LURAP1L: variants seen among roughly 807,000 people sequenced by gnomAD.
LURAP1L encodes leucine rich adaptor protein 1 like, also known as leucine rich adaptor protein 1-like.
LURAP1L carries 12 observed loss-of-function variants against 13.8 expected under a neutral mutation model. That is an observed-to-expected ratio of 0.87 (90% CI 0.56 to 1.41). LURAP1L has a LOEUF of 1.41. Ranked by LOEUF, LURAP1L falls within the 40% of genes most tolerant of loss-of-function variation. The pLI is 0.00. For synonymous variants in LURAP1L, 139 were observed against 119.2 expected (o/e 1.17, Z -1.08); for missense variants, 375 against 292.9 (o/e 1.28, Z -2.04).
At chr9:12,799,931 G>A (rs1037583289) in intron 1 of LURAP1L, among the ~76,000 whole-genome samples, 1 of 150,472 alleles carries the variant, frequency 6.6e-6, no homozygotes, top group Non-Finnish European at 1.5e-5. Flanking sequence ...TATTTACACA[G>A]CATAATGTTT....
rs1388437191 is a variant in LURAP1L, at chr9:12,822,797, G to A, written c.*1037G>A. On this transcript the variant is annotated 3_prime_UTR_variant, in exon 2 of 2. Coordinates refer to ENST00000319264, the MANE Select transcript of LURAP1L (RefSeq NM_203403.2). ...AGTGGATATTTACTTTAAATATAAT[G>A]TTATTAATCCTCTGCATTTCTTTTA... Among the ~76,000 whole-genome samples the A allele has an allele frequency of 6.6e-6, 1 of 152,128 alleles. No homozygotes were observed. The highest frequency in any genetic ancestry group is 2.4e-5 in the African/African-American group (1 of 41,428).
intron 1 of LURAP1L, among the ~76,000 whole-genome samples, chr9:12,793,711 C>T (rs1819475715): frequency 6.6e-6 from 1 of 152,012 alleles, no homozygotes; most frequent in Admixed American, 6.6e-5. Context: ...CAGTGAAAAG[C>T]TGCTTCAAAT....
chr9:12,807,817 G>A (rs1476147336), intron 1 of LURAP1L, among the ~76,000 whole-genome samples: 1 of 151,390 alleles, frequency 6.6e-6, no homozygotes, highest in African/African-American at 2.4e-5. Flanking sequence ...TTTTAATTAG[G>A]CAATTTATAT....
intron 1 of LURAP1L, among the ~76,000 whole-genome samples, chr9:12,809,348 G>A (rs1297370645): frequency 6.6e-6 from 1 of 151,988 alleles, no homozygotes; most frequent in Admixed American, 6.6e-5. Context: ...TTTCAGTTTG[G>A]GGAGTTTCTG....
At chr9:12,781,776 T>C (rs951018845) in intron 1 of LURAP1L, among the ~76,000 whole-genome samples, 2 of 152,110 alleles carry the variant, frequency 1.3e-5, no homozygotes, top group African/African-American at 2.4e-5. Context: ...ATATACCTAG[T>C]AGTGGGATTG....
chr9:12,792,711 G>A (rs1019972464), intron 1 of LURAP1L, among the ~76,000 whole-genome samples: 1 of 151,964 alleles, frequency 6.6e-6, no homozygotes, highest in African/African-American at 2.4e-5. Flanking sequence ...ATTTAGTAGT[G>A]AAATCCACAT....
rs1321995721 is a variant in LURAP1L, at chr9:12,822,771, C to A, written c.*1011C>A. Among the ~76,000 whole-genome samples the A allele has an allele frequency of 6.6e-6, 1 of 152,116 alleles. No individual in the cohort carries two copies. Among genetic ancestry groups the A allele is most frequent in the Non-Finnish European group, 1.5e-5 (1 of 68,014 alleles). On this transcript the variant is annotated 3_prime_UTR_variant, in exon 2 of 2. Transcript: ENST00000319264. Reference sequence around the variant, plus strand: ...AAATGGAATATTTAACGCACATAGACAGTGGATATTTACTTTAAATATAAT... The same window carrying A: ...AAATGGAATATTTAACGCACATAGAAAGTGGATATTTACTTTAAATATAAT...
At chr9:12,786,916 G>T (rs1259511255) in intron 1 of LURAP1L, among the ~76,000 whole-genome samples, 1 of 151,818 alleles carries the variant, frequency 6.6e-6, no homozygotes, top group Non-Finnish European at 1.5e-5. Context: ...TGATACAATT[G>T]GACCCATCAT....
intron 1 of LURAP1L, among the ~76,000 whole-genome samples, chr9:12,795,626 T>G (rs1306370630): frequency 1.3e-5 from 2 of 151,992 alleles, no homozygotes; most frequent in African/African-American, 4.8e-5. Context: ...GCCTAATTAA[T>G]AAAGAATACT....
chr9:12,820,056 A>C (rs1452459650), intron 1 of LURAP1L, among the ~76,000 whole-genome samples: 2 of 152,210 alleles, frequency 1.3e-5, no homozygotes, highest in South Asian at 4.1e-4. Context: ...CTTCTGTTCC[A>C]ACAGAACAAT....
At chr9:12,779,422 C>A (rs1431625663) in intron 1 of LURAP1L, among the ~76,000 whole-genome samples, 1 of 151,824 alleles carries the variant, frequency 6.6e-6, no homozygotes, top group Non-Finnish European at 1.5e-5. Context: ...CTACAGGCAC[C>A]TGCAACCACG....
chr9:12,816,696 C>T (rs564748787), intron 1 of LURAP1L, among the ~76,000 whole-genome samples: 19 of 152,288 alleles, frequency 1.2e-4, no homozygotes, highest in African/African-American at 4.6e-4. Context: ...CAGTTCATCA[C>T]CTGTCAAAAA....
At chr9:12,790,413 T>C (rs1406880906) in intron 1 of LURAP1L, among the ~76,000 whole-genome samples, 1 of 152,184 alleles carries the variant, frequency 6.6e-6, no homozygotes, top group Non-Finnish European at 1.5e-5. Context: ...TATTTTTTTG[T>C]GTTTGGACTA....
intron 1 of LURAP1L, among the ~76,000 whole-genome samples, chr9:12,789,406 C>T (rs566732474): frequency 1.8e-3 from 279 of 152,194 alleles, no homozygotes; most frequent in Non-Finnish European, 2.3e-3. Flanking sequence ...TCCTTTTATC[C>T]TATTTCATAG....
chr9:12,785,300 C>G (rs916366541), intron 1 of LURAP1L, among the ~76,000 whole-genome samples: 3 of 152,124 alleles, frequency 2.0e-5, no homozygotes, highest in African/African-American at 7.2e-5. Flanking sequence ...TCTGCCAAAA[C>G]TGCGAGCTGC....
chr9:12,817,351 T>C (rs1256871345), intron 1 of LURAP1L, among the ~76,000 whole-genome samples: 1 of 152,200 alleles, frequency 6.6e-6, no homozygotes, highest in African/African-American at 2.4e-5. Context: ...TTGTGTGAGA[T>C]ACTCTTCCAG....
At chr9:12,783,573 T>C (rs1372764973) in intron 1 of LURAP1L, among the ~76,000 whole-genome samples, 1 of 152,192 alleles carries the variant, frequency 6.6e-6, no homozygotes, top group East Asian at 1.9e-4. Flanking sequence ...TGATGAATGA[T>C]TATCTTAATG....
chr9:12,818,165 TAAGTC>T (rs1280297224), intron 1 of LURAP1L, among the ~76,000 whole-genome samples: 1 of 151,302 alleles, frequency 6.6e-6, no homozygotes. Context: ...CTTATTTAAA[TAAGTC>T]ATTTCATGGT....
chr9:12,795,355 G>A (rs1053535088), intron 1 of LURAP1L, among the ~76,000 whole-genome samples: 3 of 151,932 alleles, frequency 2.0e-5, no homozygotes, highest in African/African-American at 7.2e-5. Flanking sequence ...ATGTTTAGCC[G>A]AGTGTAAGAG....
Sources: gnomAD v4.1 joint callset for allele counts (sites outside exome capture counted in the v4.1 genomes callset) on GRCh38, gnomAD v4.1.1 for gene constraint, MANE v1.5 for transcripts, NCBI Gene and HGNC (gene_info 2026-07-23, HGNC 2026-07-21) for gene names.